The following EXOC3L4 variants were observed in gnomAD, a reference collection of about 807,000 sequenced individuals.
EXOC3L4 encodes the protein exocyst complex component 3 like 4.
A neutral mutation model predicts 69.7 loss-of-function variants in EXOC3L4; 62 were observed. That is an observed-to-expected ratio of 0.89 (90% CI 0.72 to 1.10). EXOC3L4 has a LOEUF of 1.10. EXOC3L4 is among the 50% of genes least tolerant of loss of function. The probability of loss-of-function intolerance (pLI) is 0.00; values close to 1 mark genes in which losing one functional copy is unlikely to be tolerated. For missense variants in EXOC3L4, 1,087 were observed against 1,034.8 expected (o/e 1.05, Z -0.69); for synonymous variants, 502 against 464.2 (o/e 1.08, Z -1.05).
chr14:103,110,438 C>A lies in EXOC3L4; in HGVS notation c.*215C>A. On this transcript the variant is annotated 3_prime_UTR_variant, in exon 12 of 12. Transcript: ENST00000688303. ...ATCGTTGAGGGGAGTGTTTTGGGGCCGCAGAGCTCTCAATGCTGCCTATCG... is the reference window on the plus strand; with the variant it reads ...ATCGTTGAGGGGAGTGTTTTGGGGCAGCAGAGCTCTCAATGCTGCCTATCG... 1.5e-6 allele frequency: 1 copy of A among 688,180 alleles called. No individual in the cohort carries two copies. The highest frequency in any genetic ancestry group is 1.5e-5 in the South Asian group (1 of 66,588). The allele number at this position is 688,180 out of a possible 1,614,324, so 42.6% of individuals were successfully genotyped here.
At chr14:103,103,853 G>C in intron 3 of EXOC3L4, 88 bp from the exon 4 acceptor site, 2 of 780,720 alleles carry the variant, frequency 2.6e-6, no homozygotes, top group South Asian at 3.4e-5. Context: ...TTCGGGATTG[G>C]CGTTAGACTT....
intron 1 of EXOC3L4, among the ~76,000 whole-genome samples, chr14:103,095,734 A>G (rs117626295): frequency 0.017 from 2,582 of 152,302 alleles, 25 homozygotes; most frequent in Middle Eastern, 0.037. Flanking sequence ...GTCTCTTTCT[A>G]ATAGGCTTTG....
In EXOC3L4 at chr14:103,105,088, T is replaced by A; in HGVS notation, c.1466+16T>A. 6.3e-7 allele frequency: 1 copy of A among 1,588,336 alleles called. No homozygotes were observed. The highest frequency in any genetic ancestry group is 8.6e-7 in the Non-Finnish European group (1 of 1,164,844). ...AGGAGCTCAGGTAGGGCTCGCCCGC[T>A]CCTGTGCGGGCGCAGCGTGGCCAGC... On this transcript the variant is annotated intron_variant, in intron 7 of 11. Transcript: ENST00000688303.
At chr14:103,099,174 A>T (rs1890036632) in intron 1 of EXOC3L4, among the ~76,000 whole-genome samples, 1 of 151,972 alleles carries the variant, frequency 6.6e-6, no homozygotes, top group South Asian at 2.1e-4. Flanking sequence ...CTCCCAGAGG[A>T]AAGTGAGGTT....
chr14:103,109,172 C>G, intron 11 of EXOC3L4, among the ~76,000 whole-genome samples: 1 of 127,514 alleles, frequency 7.8e-6, no homozygotes, highest in South Asian at 2.7e-4. Flanking sequence ...CACCTGTCCC[C>G]CGGTCTCCCT....
rs772653678 is a variant in EXOC3L4, at chr14:103,102,628, C to T, written c.905C>T (p.Ala302Val). The T allele has an allele frequency of 2.0e-6, 3 of 1,498,398 alleles. No homozygotes were observed. Among genetic ancestry groups the T allele is most frequent in the Non-Finnish European group, 1.8e-6 (2 of 1,129,074 alleles). The allele number at this position is 1,498,398 out of a possible 1,614,324, so 92.8% of individuals were successfully genotyped here. ...KVRQEVQPAY[A>V]AAGFPAWEVY... The stretch of plus-strand genomic sequence containing the variant: ...CGGCAGGAGGTGCAGCCCGCGTATG[C>T]GGCGGCCGGCTTCCCAGCGTGGGAG... The change falls in exon 3 of 12, where the codon GCG (alanine) becomes GTG (valine). Residue 302 changes from alanine to valine, a missense_variant. Physicochemically the swap from Ala to Val is moderately conservative, Grantham distance 64. Transcript: ENST00000688303.
chr14:103,102,094 C>A (rs1183543583), intron 2 of EXOC3L4, 24 bp from the exon 3 acceptor site: 4 of 1,577,718 alleles, frequency 2.5e-6, no homozygotes, highest in East Asian at 2.4e-5. Flanking sequence ...TCCCTCTCAC[C>A]GCCCTTCTCG....
In EXOC3L4 at chr14:103,100,394, C is replaced by A. The variant is rs777618447; in HGVS notation, c.175C>A (p.Arg59=). 3 of 1,610,148 alleles carry A rather than the reference C, an allele frequency of 1.9e-6. No individual in the cohort carries two copies. The highest frequency in any genetic ancestry group is 1.1e-5 in the South Asian group (1 of 90,356). ...GLGSLRQAFS[R]ASQRALTQVS... is the part of the protein sequence containing the mutation. ...GGGCTCCCTGAGGCAGGCCTTCTCC[C>A]GGGCCAGCCAGCGGGCTTTGACCCA... Residue 59 remains arginine, a synonymous_variant, in exon 2 of 12, where the codon CGG becomes AGG. Transcript: ENST00000688303.
intron 1 of EXOC3L4, 39 bp from the exon 2 acceptor site, chr14:103,100,165 T>C (rs1317433715): frequency 6.7e-7 from 1 of 1,484,706 alleles, no homozygotes; most frequent in Non-Finnish European, 9.0e-7. Context: ...ACAACAGGTT[T>C]CTGCATCTGC....
In EXOC3L4 at chr14:103,102,101, C is replaced by G. The variant is rs776694774; in HGVS notation, c.395-17C>G. The G allele has an allele frequency of 6.3e-7, 1 of 1,585,448 alleles. No individual in the cohort carries two copies. The highest frequency in any genetic ancestry group is 1.8e-5 in the Admixed American group (1 of 56,766). ...TGGGGCGGTCCCTCTCACCGCCCTT[C>G]TCGCCCGCCTGTGCAGAAGGCAAAT... On this transcript the variant is annotated splice_polypyrimidine_tract_variant and intron_variant, in intron 2 of 11. Coordinates refer to ENST00000688303, the MANE Select transcript of EXOC3L4 (RefSeq NM_001077594.2).
intron 11 of EXOC3L4, among the ~76,000 whole-genome samples, chr14:103,108,931 T>C (rs1890740196): frequency 6.6e-6 from 1 of 152,046 alleles, no homozygotes; most frequent in African/African-American, 2.4e-5. Flanking sequence ...AAGTCCATTC[T>C]TTTGGAGATT....
chr14:103,103,797 C>CGCGGGTGT, intron 3 of EXOC3L4, 144 bp from the exon 4 acceptor site: 7 of 432,428 alleles, frequency 1.6e-5, no homozygotes, highest in African/African-American at 2.3e-5. Context: ...GGCGCGCGCG[C>CGCGGGTGT]GTGTGTGTGT....
chr14:103,096,974 G>C (rs541290684), intron 1 of EXOC3L4, among the ~76,000 whole-genome samples: 1 of 152,350 alleles, frequency 6.6e-6, no homozygotes, highest in East Asian at 1.9e-4. Flanking sequence ...CCTGCAAGAG[G>C]CTCCTTTGGA....
chr14:103,102,630 G>GCGGCCGGCTT lies in EXOC3L4; in HGVS notation c.909_918dup (p.Pro307GlyfsTer49), dbSNP rs747409697. 11 of 1,499,434 alleles carry GCGGCCGGCTT rather than the reference G, an allele frequency of 7.3e-6. No individual in the cohort carries two copies. The highest frequency in any genetic ancestry group is 8.0e-6 in the Non-Finnish European group (9 of 1,129,692). 92.9% of individuals were successfully genotyped at this position (1,499,434 alleles called of 1,614,324 possible). A position where few individuals can be genotyped will look rare whatever the true frequency, so the allele number is the denominator to read the frequency against. On this transcript the variant is annotated frameshift_variant, in exon 3 of 12. Coordinates refer to ENST00000688303, the MANE Select transcript of EXOC3L4 (RefSeq NM_001077594.2). LOFTEE classifies it high-confidence loss of function. ...GCAGGAGGTGCAGCCCGCGTATGCG[G>GCGGCCGGCTT]CGGCCGGCTTCCCAGCGTGGGAGGT...
Position 103,104,730 on chromosome 14 carries a change from G to A in EXOC3L4, c.1285-8G>A, listed in dbSNP as rs1163941018. ...GGAGGCACGCTCAGTGCGGGGCTTC[G>A]CTCGCAGCTCGTGGCCGAGCACGTG... On this transcript the variant is annotated splice_polypyrimidine_tract_variant and splice_region_variant and intron_variant, in intron 5 of 11. Coordinates refer to ENST00000688303, the MANE Select transcript of EXOC3L4 (RefSeq NM_001077594.2). The A allele has an allele frequency of 6.0e-6, 9 of 1,493,044 alleles. No homozygotes were observed. The highest frequency in any genetic ancestry group is 8.0e-6 in the Non-Finnish European group (9 of 1,122,226). 92.5% of individuals were successfully genotyped at this position (1,493,044 alleles called of 1,614,324 possible). A position where few individuals can be genotyped will look rare whatever the true frequency, so the allele number is the denominator to read the frequency against.
chr14:103,106,746 C>A, intron 7 of EXOC3L4, 39 bp from the exon 8 acceptor site: 1 of 1,371,910 alleles, frequency 7.3e-7, no homozygotes, highest in Non-Finnish European at 1.0e-6. Context: ...AGCCTGGTCT[C>A]CCTTGCCCAC....
In EXOC3L4 at chr14:103,100,607, G is replaced by A. The variant is rs758506010; in HGVS notation, c.388G>A (p.Glu130Lys). 22 of 1,601,806 alleles carry A rather than the reference G, an allele frequency of 1.4e-5. No homozygotes were observed. Among genetic ancestry groups the A allele is most frequent in the Admixed American group, 1.3e-4 (8 of 59,306 alleles). The change falls in exon 2 of 12, where the codon GAG becomes AAG. Residue 130 changes from glutamate to lysine, a missense_variant. Transcript: ENST00000688303. ...TGAASEELKP[E>K]AEGKSVADLI... is the part of the protein sequence containing the mutation. The stretch of plus-strand genomic sequence containing the variant: ...GGCAGCGTCTGAGGAACTGAAACCC[G>A]AGGCAGGTAAGGGCCTCAGAAACAA...
rs769520899 is a variant in EXOC3L4, at chr14:103,102,267, G to A, written c.544G>A (p.Val182Met). The A allele has an allele frequency of 5.7e-6, 9 of 1,586,102 alleles. No homozygotes were observed. The highest frequency in any genetic ancestry group is 1.3e-5 in the African/African-American group (1 of 74,398). The change falls in exon 3 of 12, where the codon GTG becomes ATG. Residue 182 changes from valine (V) to methionine (M), a missense_variant. Physicochemically the swap from Val to Met is conservative, Grantham distance 21 (BLOSUM62 1). Coordinates refer to ENST00000688303, the MANE Select transcript of EXOC3L4 (RefSeq NM_001077594.2). ...GGCCTTCGCGCGGCGCGCTATGGACGTGTGCCTGCTTTACGACGGGCTGGC... is the reference window on the plus strand; with the variant it reads ...GGCCTTCGCGCGGCGCGCTATGGACATGTGCCTGCTTTACGACGGGCTGGC... ...PTAFARRAMD[V>M]CLLYDGLAAE...
In EXOC3L4 at chr14:103,105,052, C is replaced by G. The variant is rs780785493; in HGVS notation, c.1446C>G (p.Ile482Met). The G allele has an allele frequency of 1.2e-6, 2 of 1,611,946 alleles. No individual in the cohort carries two copies. Among genetic ancestry groups the G allele is most frequent in the Non-Finnish European group, 1.7e-6 (2 of 1,178,394 alleles). The change falls in exon 7 of 12, where the codon ATC becomes ATG. Residue 482 changes from isoleucine (I) to methionine (M), a missense_variant. Ile to Met is a conservative substitution (Grantham distance 10, BLOSUM62 1). Coordinates refer to ENST00000688303, the MANE Select transcript of EXOC3L4 (RefSeq NM_001077594.2). ...AVSEPHLGAY[I>M]NACEELRTSL... ...GCGAGCCGCACCTGGGCGCCTACAT[C>G]AACGCCTGCGAGGAGCTCAGGTAGG...
Sources: gnomAD v4.1 joint callset for allele counts (sites outside exome capture counted in the v4.1 genomes callset) on GRCh38, gnomAD v4.1.1 for gene constraint, MANE v1.5 for transcripts, NCBI Gene and HGNC (gene_info 2026-07-23, HGNC 2026-07-21) for gene names.